SORCS2: variants seen among roughly 807,000 people sequenced by gnomAD.
The protein encoded by SORCS2 is VPS10 domain-containing receptor SorCS2.
SORCS2 carries 100 observed loss-of-function variants against 141.6 expected under a neutral mutation model. The ratio of observed to expected loss-of-function variants is 0.71; its 90% confidence interval spans 0.60 to 0.83. The LOEUF is 0.83. SORCS2 is among the 40% of genes least tolerant of loss of function. The pLI is 0.00. For missense variants in SORCS2, 1,646 were observed against 1,560.2 expected (o/e 1.05, Z -0.93); for synonymous variants, 789 against 676.9 (o/e 1.17, Z -2.57).
At chr4:7,400,557 C>T (rs10516186) in intron 2 of SORCS2, among the ~76,000 whole-genome samples, 22,438 of 151,994 alleles carry the variant, frequency 0.15, 1,800 homozygotes, top group Non-Finnish European at 0.18. Flanking sequence ...ATCACCAGAT[C>T]CCTGGAACCA....
At chr4:7,602,419 A>G (rs1355780229) in intron 3 of SORCS2, among the ~76,000 whole-genome samples, 34 of 141,852 alleles carry the variant, frequency 2.4e-4, no homozygotes, top group African/African-American at 8.6e-4. Flanking sequence ...GGGCAGAGAC[A>G]CTCCTCAGTT....
chr4:7,305,361 G>GTTTTTTTTTTTTTTTT (rs5855954), intron 1 of SORCS2, among the ~76,000 whole-genome samples: 1 of 137,770 alleles, frequency 7.3e-6, no homozygotes. Context: ...TTCTACTTTA[G>GTTTTTTTTTTTTTTTT]TTTTTTTTTT....
At chr4:7,667,035 G>C in intron 7 of SORCS2, 89 bp from the exon 8 acceptor site, 2 of 1,169,298 alleles carry the variant, frequency 1.7e-6, no homozygotes, top group South Asian at 1.3e-5. Flanking sequence ...ATTTTCACTT[G>C]CTGAATATAA....
intron 9 of SORCS2, 84 bp from the exon 10 acceptor site, chr4:7,682,659 A>T: frequency 7.2e-7 from 1 of 1,388,118 alleles, no homozygotes; most frequent in Non-Finnish European, 9.8e-7. Flanking sequence ...AGAGCACTTT[A>T]GCAAGGGGCT....
At chr4:7,344,245 C>T (rs974772631) in intron 1 of SORCS2, among the ~76,000 whole-genome samples, 10 of 152,208 alleles carry the variant, frequency 6.6e-5, no homozygotes, top group Admixed American at 2.6e-4. Context: ...GTGGCTTCCT[C>T]ATCTGCTGAG....
At chr4:7,649,772 C>T (rs1423541791) in intron 4 of SORCS2, among the ~76,000 whole-genome samples, 2 of 152,108 alleles carry the variant, frequency 1.3e-5, no homozygotes, top group Non-Finnish European at 2.9e-5. Flanking sequence ...TGACCTGTTT[C>T]CCTTCTGAGA....
chr4:7,502,768 G>C (rs1219515315), intron 2 of SORCS2, among the ~76,000 whole-genome samples: 1 of 149,048 alleles, frequency 6.7e-6, no homozygotes, highest in Non-Finnish European at 1.5e-5. Context: ...TCTGTGCTCA[G>C]AGACCACTGT....
At chr4:7,724,976 G>A (rs1271487275) in intron 19 of SORCS2, among the ~76,000 whole-genome samples, 178 bp from the exon 20 acceptor site, 8 of 140,990 alleles carry the variant, frequency 5.7e-5, no homozygotes, top group African/African-American at 2.2e-4. Flanking sequence ...TGATAGTGTT[G>A]GTGGGAATGG....
chr4:7,311,168 G>C (rs548895954), intron 1 of SORCS2, among the ~76,000 whole-genome samples: 1 of 151,982 alleles, frequency 6.6e-6, no homozygotes, highest in East Asian at 1.9e-4. Flanking sequence ...CTAGAATTTC[G>C]TCTCTGCAGT....
chr4:7,494,019 TCA>T (rs71647604), intron 2 of SORCS2, among the ~76,000 whole-genome samples: 31 of 136,362 alleles, frequency 2.3e-4, no homozygotes, highest in African/African-American at 6.1e-4. Context: ...ACACACACAT[TCA>T]CACACACACA....
intron 1 of SORCS2, among the ~76,000 whole-genome samples, chr4:7,388,030 G>GCACACGCATACAGGCACACAGAGATA (rs1723574673): frequency 7.9e-6 from 1 of 126,720 alleles, no homozygotes. Flanking sequence ...ACACAGATAC[G>GCACACGCATACAGGCACACAGAGATA]CACACATGCA....
chr4:7,554,259 A>G (rs1713942510), intron 3 of SORCS2, among the ~76,000 whole-genome samples: 1 of 152,222 alleles, frequency 6.6e-6, no homozygotes, highest in Non-Finnish European at 1.5e-5. Context: ...ATGCACTCCC[A>G]GTGCTGGAGG....
At chr4:7,656,518 AG>A (rs983788480) in intron 5 of SORCS2, among the ~76,000 whole-genome samples, 58 of 152,310 alleles carry the variant, frequency 3.8e-4, no homozygotes, top group African/African-American at 1.2e-3. Context: ...CTCATGTCAC[AG>A]GAGGGAACTG....
intron 12 of SORCS2, among the ~76,000 whole-genome samples, chr4:7,697,749 G>A (rs116716073): frequency 0.012 from 1,788 of 151,682 alleles, 28 homozygotes; most frequent in African/African-American, 0.041. Context: ...ACACAGCAGT[G>A]AAAGAGAATA....
intron 2 of SORCS2, chr4:7,434,107 C>T (rs1278040704): frequency 1.9e-6 from 3 of 1,612,428 alleles, no homozygotes; most frequent in Non-Finnish European, 2.5e-6. Flanking sequence ...GGCAGGTGCC[C>T]CTAGCTCCTC....
intron 1 of SORCS2, among the ~76,000 whole-genome samples, chr4:7,277,604 T>C (rs1191280173): frequency 7.3e-5 from 11 of 151,708 alleles, no homozygotes; most frequent in Admixed American, 6.6e-4. Context: ...GGGGGAGAGA[T>C]GATTGGATTA....
At chr4:7,486,805 T>G (rs533723865) in intron 2 of SORCS2, among the ~76,000 whole-genome samples, 4 of 152,354 alleles carry the variant, frequency 2.6e-5, no homozygotes, top group Non-Finnish European at 5.9e-5. Context: ...TCATCTCGTC[T>G]GTCTCTCGTG....
At chr4:7,433,081 G>A (rs376324046) in intron 2 of SORCS2, 52 of 376,374 alleles carry the variant, frequency 1.4e-4, no homozygotes, top group African/African-American at 7.4e-4. Flanking sequence ...GTCAGGGAGC[G>A]GGGCACATGA....
chr4:7,330,462 C>T (rs185991705), intron 1 of SORCS2, among the ~76,000 whole-genome samples: 101 of 151,908 alleles, frequency 6.6e-4, no homozygotes, highest in Non-Finnish European at 1.0e-3. Context: ...TCCACCCCCA[C>T]GCACACCCCT....
Sources: allele counts gnomAD v4.1 joint callset (sites outside exome capture counted in the v4.1 genomes callset), GRCh38; gene constraint gnomAD v4.1.1; transcripts MANE v1.5; gene names NCBI Gene and HGNC (gene_info 2026-07-23, HGNC 2026-07-21).